Variants in NR5A2 observed in about 807,000 individuals in gnomAD.
The protein encoded by NR5A2 is CYP7A promoter-binding factor.
In NR5A2, 26 loss-of-function variants were observed where a neutral mutation model predicts 62.7. That is an observed-to-expected ratio of 0.41 (90% CI 0.30 to 0.58). NR5A2 has a LOEUF of 0.58. Ranked by LOEUF, NR5A2 falls within the 20% of genes least tolerant of loss-of-function variation. The pLI is 0.22. For synonymous variants in NR5A2, 246 were observed against 241.7 expected, an observed-to-expected ratio of 1.02 and a Z score of -0.16; for missense variants, 541 against 669.1, an observed-to-expected ratio of 0.81 and a Z score of 2.11.
intron 7 of NR5A2, among the ~76,000 whole-genome samples, chr1:200,144,312 G>A (rs571135045): frequency 3.3e-5 from 5 of 151,496 alleles, no homozygotes; most frequent in African/African-American, 1.2e-4. Context: ...GCCTTGTGCC[G>A]TGGGTCTCCG....
At chr1:200,167,516 C>A (rs984881033) in intron 7 of NR5A2, among the ~76,000 whole-genome samples, 28 of 152,252 alleles carry the variant, frequency 1.8e-4, no homozygotes, top group African/African-American at 6.5e-4. Context: ...AGCCTGCTCT[C>A]CCCTCACCCT....
At chr1:200,046,551 C>T (rs1292506917) in intron 4 of NR5A2, among the ~76,000 whole-genome samples, 2 of 151,210 alleles carry the variant, frequency 1.3e-5, no homozygotes, top group Non-Finnish European at 2.9e-5. Context: ...GATAGAAATA[C>T]TAAAAAAAAA....
intron 5 of NR5A2, among the ~76,000 whole-genome samples, chr1:200,109,917 A>G (rs1665861632): frequency 6.6e-6 from 1 of 152,154 alleles, no homozygotes; most frequent in Non-Finnish European, 1.5e-5. Flanking sequence ...GGTGTGCACA[A>G]CGATGCCCAG....
chr1:200,072,443 G>A (rs560340744), intron 5 of NR5A2, among the ~76,000 whole-genome samples: 1 of 152,158 alleles, frequency 6.6e-6, no homozygotes, highest in Non-Finnish European at 1.5e-5. Context: ...CTCATAATGT[G>A]ACACCCTTTT....
chr1:200,148,219 G>A (rs541987319), intron 7 of NR5A2: 40 of 238,306 alleles, frequency 1.7e-4, no homozygotes, highest in Non-Finnish European at 2.7e-4. Context: ...CCGCCGCCCC[G>A]ACTCCACAGC....
At chr1:200,070,959 A>G (rs191082717) in intron 5 of NR5A2, among the ~76,000 whole-genome samples, 236 of 152,336 alleles carry the variant, frequency 1.5e-3, no homozygotes, top group African/African-American at 4.4e-3. Context: ...TGTTGGCAAT[A>G]CTTTATAAGA....
At chr1:200,094,477 G>A (rs986662652) in intron 5 of NR5A2, among the ~76,000 whole-genome samples, 6 of 144,906 alleles carry the variant, frequency 4.1e-5, no homozygotes, top group African/African-American at 7.7e-5. Context: ...GAGCCACCAC[G>A]CCCAGCCTGG....
chr1:200,045,628 G>A lies in NR5A2; in HGVS notation c.463+44G>A, dbSNP rs144439767. 1,659 of 1,532,330 alleles carry A rather than the reference G, an allele frequency of 1.1e-3. 16 individuals carry two copies. The African/African-American group carries it at 0.021, about 19-fold the overall frequency. The allele number at this position is 1,532,330 out of a possible 1,614,324, so 94.9% of individuals were successfully genotyped here. ...CTACTGCCTATTAAAACTCTCCAAG[G>A]ACATGAACTGTAAAACAACATTGTA... On this transcript the variant is annotated intron_variant, in intron 4 of 7. Coordinates refer to ENST00000367362, the MANE Select transcript of NR5A2 (RefSeq NM_205860.3).
intron 2 of NR5A2, among the ~76,000 whole-genome samples, chr1:200,040,899 T>C (rs1662037928): frequency 6.6e-6 from 1 of 152,250 alleles, no homozygotes; most frequent in African/African-American, 2.4e-5. Flanking sequence ...TGTGATCCGT[T>C]ACCCCATCGG....
intron 7 of NR5A2, among the ~76,000 whole-genome samples, chr1:200,153,483 A>C (rs748142120): frequency 1.3e-5 from 2 of 152,194 alleles, no homozygotes; most frequent in Non-Finnish European, 2.9e-5. Flanking sequence ...CAGAAAACCC[A>C]GAACAGGATA....
At chr1:200,083,952 C>T (rs934428499) in intron 5 of NR5A2, among the ~76,000 whole-genome samples, 3 of 141,652 alleles carry the variant, frequency 2.1e-5, no homozygotes, top group South Asian at 4.6e-4. Context: ...GCAACAAGAG[C>T]GAAACTCCAT....
At chr1:200,083,705 G>A (rs1664396557) in intron 5 of NR5A2, among the ~76,000 whole-genome samples, 1 of 152,100 alleles carries the variant, frequency 6.6e-6, no homozygotes, top group African/African-American at 2.4e-5. Flanking sequence ...AGTGGCTCAT[G>A]CCTGTAACTC....
intron 5 of NR5A2, among the ~76,000 whole-genome samples, chr1:200,092,812 A>C (rs1664878486): frequency 6.7e-6 from 1 of 149,926 alleles, no homozygotes; most frequent in Admixed American, 6.7e-5. Context: ...GATCACATTT[A>C]TCTGAATACA....
At chr1:200,134,737 T>C (rs528776812) in intron 7 of NR5A2, among the ~76,000 whole-genome samples, 20 of 152,352 alleles carry the variant, frequency 1.3e-4, no homozygotes, top group African/African-American at 3.6e-4. Context: ...CTAACATCTA[T>C]GTAGGAATTT....
rs1666911279 is a variant in NR5A2, at chr1:200,130,295, AAGAAGAAGAAGAAGAAGAAGAAGAAG to A, written c.1378+9342_1378+9367del. 1.0e-3 allele frequency among the ~76,000 whole-genome samples: 7 copies of A among 6,774 alleles called. No individual in the cohort carries two copies. In the South Asian group the frequency reaches 0.022, roughly 21 times the overall value. The allele number at this position is 6,774 out of a possible 152,430, so 4.4% of individuals were successfully genotyped here. On this transcript the variant is annotated intron_variant, in intron 7 of 7. Coordinates refer to ENST00000367362, the MANE Select transcript of NR5A2 (RefSeq NM_205860.3). Reference sequence around the variant, plus strand: ...ACTAACTAGGAAGAAGAAGAAGAAGAAGAAGAAGAAGAAGAAGAAGAAGAAGAAAAAAAAAATCCAACAGAGAAATT... The same window carrying A: ...ACTAACTAGGAAGAAGAAGAAGAAGAAAAAAAAAAATCCAACAGAGAAATT...
At chr1:200,170,375 T>C (rs993326168) in intron 7 of NR5A2, among the ~76,000 whole-genome samples, 2 of 152,250 alleles carry the variant, frequency 1.3e-5, no homozygotes, top group African/African-American at 4.8e-5. Flanking sequence ...ATTCATGTTT[T>C]AATTTTCATG....
intron 5 of NR5A2, among the ~76,000 whole-genome samples, chr1:200,096,869 T>G (rs1054232996): frequency 5.9e-5 from 9 of 152,320 alleles, no homozygotes; most frequent in African/African-American, 2.2e-4. Context: ...CGATAGACTA[T>G]TCCATATAGC....
intron 7 of NR5A2, among the ~76,000 whole-genome samples, chr1:200,159,452 G>A (rs939355883): frequency 2.6e-5 from 4 of 152,044 alleles, no homozygotes; most frequent in Non-Finnish European, 4.4e-5. Context: ...AGAGCATAAC[G>A]GGACAGTAGA....
chr1:200,059,740 T>G (rs1412388215), intron 5 of NR5A2, among the ~76,000 whole-genome samples: 1 of 152,234 alleles, frequency 6.6e-6, no homozygotes, highest in Non-Finnish European at 1.5e-5. Flanking sequence ...AATAGATCTT[T>G]TTTATTTTCC....
Sources: allele counts gnomAD v4.1 joint callset (sites outside exome capture counted in the v4.1 genomes callset), GRCh38; gene constraint gnomAD v4.1.1; transcripts MANE v1.5; gene names NCBI Gene and HGNC (gene_info 2026-07-23, HGNC 2026-07-21).